UBE2F: variants seen among roughly 807,000 people sequenced by gnomAD.
UBE2F encodes ubiquitin conjugating enzyme E2 F (putative), also known as NEDD8-conjugating enzyme UBE2F.
Under a neutral mutation model 29.6 loss-of-function variants are expected in UBE2F, and 5 were observed. The observed-to-expected ratio is 0.17, with a 90% CI of 0.09 to 0.36. The LOEUF is 0.36. UBE2F is among the 10% of genes least tolerant of loss of function. The pLI is 1.00. For missense variants in UBE2F, 141 were observed against 228.5 expected (o/e 0.62, Z 2.47); for synonymous variants, 66 against 81.8 (o/e 0.81, Z 1.04).
chr2:237,992,603 T>G (rs2063612436), intron 3 of UBE2F, among the ~76,000 whole-genome samples: 1 of 152,230 alleles, frequency 6.6e-6, no homozygotes, highest in Non-Finnish European at 1.5e-5. Context: ...GTCCCATGTC[T>G]TAACATGGTC....
At chr2:237,968,533 C>G (rs1425574383) in intron 1 of UBE2F, among the ~76,000 whole-genome samples, 1 of 152,156 alleles carries the variant, frequency 6.6e-6, no homozygotes, top group African/African-American at 2.4e-5. Flanking sequence ...CGTCTCCATT[C>G]GGAAGGAATT....
chr2:238,020,016 CA>C (rs1384481970), intron 5 of UBE2F, among the ~76,000 whole-genome samples: 1 of 152,146 alleles, frequency 6.6e-6, no homozygotes, highest in Non-Finnish European at 1.5e-5. Context: ...AAGTGTGGGG[CA>C]ACTTCTAGGG....
intron 4 of UBE2F, among the ~76,000 whole-genome samples, chr2:238,007,115 C>T (rs7419810): frequency 0.81 from 123,370 of 151,830 alleles, 50,396 homozygotes; most frequent in East Asian, 0.97. Context: ...GTATGGTTTG[C>T]TGTAGGGTTT....
At chr2:238,020,471 A>AT (rs1488520100) in intron 5 of UBE2F, among the ~76,000 whole-genome samples, 2 of 152,186 alleles carry the variant, frequency 1.3e-5, no homozygotes, top group Non-Finnish European at 1.5e-5. Flanking sequence ...CTCAGGGTGC[A>AT]TCTGCTTCAC....
chr2:238,035,650 C>A, intron 8 of UBE2F: 1 of 492,726 alleles, frequency 2.0e-6, no homozygotes. Context: ...TACATGTCAA[C>A]ATATCTCTGA....
At chr2:237,994,983 A>G (rs1247147020) in intron 4 of UBE2F, among the ~76,000 whole-genome samples, 174 bp downstream of exon 4, 1 of 152,250 alleles carries the variant, frequency 6.6e-6, no homozygotes, top group Non-Finnish European at 1.5e-5. Context: ...AAAGCATATT[A>G]AAGTGAATTT....
At chr2:237,995,251 A>G (rs1179894402) in intron 4 of UBE2F, among the ~76,000 whole-genome samples, 1 of 152,238 alleles carries the variant, frequency 6.6e-6, no homozygotes, top group Non-Finnish European at 1.5e-5. Context: ...AGTGTGGGTA[A>G]AGCACTTAAG....
rs547685312 is a variant in UBE2F at position 238,039,092 on chromosome 2, G to A, written c.508-2196G>A. Among the ~76,000 whole-genome samples, 15 of 152,260 alleles carry A rather than the reference G, an allele frequency of 9.9e-5. No homozygotes were observed. In the East Asian group the frequency reaches 1.5e-3, roughly 16 times the overall value. On this transcript the variant is annotated intron_variant, in intron 9 of 9. Coordinates refer to ENST00000272930, the MANE Select transcript of UBE2F (RefSeq NM_080678.3). ...TCTAGTAAAAATAAAAAAATTAGCC[G>A]GGCATGGTGGCAGGCACTTGTAATT...
chr2:237,973,971 T>A (rs2063223097), intron 2 of UBE2F, among the ~76,000 whole-genome samples: 1 of 152,198 alleles, frequency 6.6e-6, no homozygotes, highest in Non-Finnish European at 1.5e-5. Context: ...AATTTGCTTA[T>A]TTATAATAAA....
chr2:238,007,346 T>G (rs1185869379), intron 4 of UBE2F, among the ~76,000 whole-genome samples: 2 of 151,956 alleles, frequency 1.3e-5, no homozygotes, highest in African/African-American at 4.8e-5. Context: ...GGTCTCGAAC[T>G]CCTGACCTCA....
intron 8 of UBE2F, 65 bp downstream of exon 8, chr2:238,032,319 G>A (rs376505796): frequency 4.2e-4 from 573 of 1,360,090 alleles, no homozygotes; most frequent in Non-Finnish European, 5.5e-4. Context: ...TAGACATTGC[G>A]TTAAGACATG....
At chr2:238,033,360 G>A (rs1039031933) in intron 8 of UBE2F, among the ~76,000 whole-genome samples, 9 of 152,190 alleles carry the variant, frequency 5.9e-5, no homozygotes, top group African/African-American at 1.9e-4. Flanking sequence ...TCATAAAGGC[G>A]CTTTTAAAGA....
chr2:237,967,075 C>A lies in UBE2F; in HGVS notation c.-74C>A. The A allele has an allele frequency of 7.5e-7, 1 of 1,333,060 alleles. No homozygotes were observed. Among genetic ancestry groups the A allele is most frequent in the Non-Finnish European group, 9.6e-7 (1 of 1,040,114 alleles). The allele number at this position is 1,333,060 out of a possible 1,614,324, so 82.6% of individuals were successfully genotyped here. ...GAGGGGCCGCGTCTCGCAGCAGCCG[C>A]CCGGACCGGGCATGGTGTTGGGCGC... On this transcript the variant is annotated 5_prime_UTR_variant, in exon 1 of 10. Transcript: ENST00000272930. This position sits in a 1 kb window ranked among gnomAD's most constrained non-coding sequence, Gnocchi z 6.3.
intron 9 of UBE2F, among the ~76,000 whole-genome samples, chr2:238,036,285 T>G (rs1443663996): frequency 1.3e-5 from 2 of 152,106 alleles, no homozygotes; most frequent in Non-Finnish European, 2.9e-5. Context: ...TGATCCTCCC[T>G]CTTCAGCCTC....
In UBE2F at chr2:237,982,467, A is replaced by G. The variant is rs1380761471; in HGVS notation, c.119-5496A>G. 3.3e-5 allele frequency among the ~76,000 whole-genome samples: 5 copies of G among 152,178 alleles called. No individual in the cohort carries two copies. The highest frequency in any genetic ancestry group is 5.9e-5 in the Non-Finnish European group (4 of 68,006). ...TGTCATGCTGGCCCCTCTGCTTGCA[A>G]TCCACAGTCGCTTACCATGCCGTCT... On this transcript the variant is annotated intron_variant, in intron 2 of 9. Transcript: ENST00000272930. The surrounding 1 kb of genome is among the most constrained non-coding windows in gnomAD (Gnocchi z 4.1).
At chr2:238,016,795 G>C (rs2064164144) in intron 5 of UBE2F, among the ~76,000 whole-genome samples, 162 bp downstream of exon 5, 2 of 131,368 alleles carry the variant, frequency 1.5e-5, no homozygotes, top group South Asian at 5.0e-4. Context: ...CTCATCAGCA[G>C]TATTTAGAGT....
chr2:238,028,767 TG>T (rs2064495533), intron 6 of UBE2F, among the ~76,000 whole-genome samples: 1 of 152,230 alleles, frequency 6.6e-6, no homozygotes, highest in Non-Finnish European at 1.5e-5. Context: ...AATTGACTTT[TG>T]TGAATTTAAA....
chr2:238,019,411 T>C (rs2064238994), intron 5 of UBE2F, among the ~76,000 whole-genome samples: 1 of 151,984 alleles, frequency 6.6e-6, no homozygotes, highest in African/African-American at 2.4e-5. Context: ...AGAGTCTCAC[T>C]CTGTTGCCCA....
chr2:237,988,389 A>C (rs1051375769), intron 3 of UBE2F, among the ~76,000 whole-genome samples: 3 of 151,984 alleles, frequency 2.0e-5, no homozygotes, highest in African/African-American at 7.2e-5. Flanking sequence ...CAGAGGTTGC[A>C]GTGAGCTGAG....
Sources: allele counts gnomAD v4.1 joint callset (sites outside exome capture counted in the v4.1 genomes callset), GRCh38; gene constraint gnomAD v4.1.1; non-coding constraint Gnocchi (gnomAD v3.1); transcripts MANE v1.5; gene names NCBI Gene and HGNC (gene_info 2026-07-23, HGNC 2026-07-21).